The following NR6A1 variants were observed in gnomAD, a reference collection of about 807,000 sequenced individuals.
The protein encoded by NR6A1 is nuclear receptor subfamily 6 group A member 1, also known as retinoic acid receptor-related testis-associated receptor.
A neutral mutation model predicts 59.1 loss-of-function variants in NR6A1; 7 were observed. The ratio of observed to expected loss-of-function variants is 0.12; its 90% confidence interval spans 0.07 to 0.22. NR6A1 has a LOEUF of 0.22. Among genes scored for constraint, NR6A1 ranks in the 10% least tolerant of loss-of-function variants. NR6A1 has a pLI of 1.00. For missense variants in NR6A1, 468 were observed against 611.6 expected, an observed-to-expected ratio of 0.77 and a Z score of 2.48; for synonymous variants, 243 against 236.1, an observed-to-expected ratio of 1.03 and a Z score of -0.27.
chr9:124,586,291 T>C (rs575251816), intron 2 of NR6A1, among the ~76,000 whole-genome samples: 2 of 152,302 alleles, frequency 1.3e-5, no homozygotes, highest in Admixed American at 6.5e-5. Context: ...ATATCAGTAT[T>C]AACAGGAGTT....
chr9:124,720,320 G>C (rs1401954445), intron 2 of NR6A1, among the ~76,000 whole-genome samples: 2 of 152,108 alleles, frequency 1.3e-5, no homozygotes, highest in Non-Finnish European at 1.5e-5. Flanking sequence ...CAAAGTGCTA[G>C]GATTACAGGC....
chr9:124,661,884 C>A (rs896448666), intron 2 of NR6A1, among the ~76,000 whole-genome samples: 1 of 152,128 alleles, frequency 6.6e-6, no homozygotes, highest in Non-Finnish European at 1.5e-5. Context: ...TATGGGATAG[C>A]CCAGATATAA....
intron 2 of NR6A1, among the ~76,000 whole-genome samples, chr9:124,647,955 T>C (rs1836987589): frequency 6.6e-6 from 1 of 152,078 alleles, no homozygotes; most frequent in Non-Finnish European, 1.5e-5. Context: ...AAACTCATTC[T>C]AAAAGGCCAT....
chr9:124,771,278 T>TCCGCGCCCCTCCGCG lies in NR6A1; in HGVS notation c.-174_-160dup, dbSNP rs1417126309. ...CCCGAGCCGCCCGGCTCCGCGCCGC[T>TCCGCGCCCCTCCGCG]CCGCGCCCCTCCGCGCCGCGCCCCC... On this transcript the variant is annotated 5_prime_UTR_variant, in exon 1 of 10. Coordinates refer to ENST00000487099, the MANE Select transcript of NR6A1 (RefSeq NM_033334.4). The TCCGCGCCCCTCCGCG allele has an allele frequency of 1.3e-5, 5 of 391,306 alleles. No individual in the cohort carries two copies. The Admixed American group carries it at 1.8e-4, about 14-fold the overall frequency. 24.2% of individuals were successfully genotyped at this position (391,306 alleles called of 1,614,324 possible). A position where few individuals can be genotyped will look rare whatever the true frequency, so the allele number is the denominator to read the frequency against.
At position 124,771,265 on chromosome 9, in the gene NR6A1, G is replaced by C. The variant is rs548435860; in HGVS notation, c.-146C>G. Reference sequence around the variant, plus strand: ...GCTCTCTCTGGGCCCCGAGCCGCCCGGCTCCGCGCCGCTCCGCGCCCCTCC... The same window carrying C: ...GCTCTCTCTGGGCCCCGAGCCGCCCCGCTCCGCGCCGCTCCGCGCCCCTCC... On this transcript the variant is annotated 5_prime_UTR_variant, in exon 1 of 10. Transcript: ENST00000487099. 12 of 419,456 alleles carry C rather than the reference G, an allele frequency of 2.9e-5. No individual in the cohort carries two copies. Among genetic ancestry groups the C allele is most frequent in the African/African-American group, 4.1e-5 (2 of 48,742 alleles). The allele number at this position is 419,456 out of a possible 1,614,324, so 26.0% of individuals were successfully genotyped here. A position where few individuals can be genotyped will look rare whatever the true frequency, so the allele number is the denominator to read the frequency against.
In NR6A1 at chr9:124,687,294, ATTT is replaced by A. The variant is rs1838367007; in HGVS notation, c.142+46011_142+46013del. 3.3e-5 allele frequency among the ~76,000 whole-genome samples: 5 copies of A among 149,640 alleles called. No homozygotes were observed. The East Asian group carries it at 8.0e-4, about 24-fold the overall frequency. On this transcript the variant is annotated intron_variant, in intron 2 of 9. Transcript: ENST00000487099. ...TGCCACCACAGCCAGCTAATTAATT[ATTT>A]ATTTATTTATTTATTTATTTATTGG...
At chr9:124,566,245 G>C (rs191893570) in intron 2 of NR6A1, among the ~76,000 whole-genome samples, 5 of 152,356 alleles carry the variant, frequency 3.3e-5, no homozygotes, top group Non-Finnish European at 2.9e-5. Context: ...AGAAGGGAAA[G>C]AGACATACAG....
intron 2 of NR6A1, among the ~76,000 whole-genome samples, chr9:124,704,574 G>A (rs903070788): frequency 2.0e-5 from 3 of 152,068 alleles, no homozygotes; most frequent in Non-Finnish European, 4.4e-5. Context: ...CTTCGGATTA[G>A]TTTGTGTTTT....
chr9:124,581,133 T>C (rs557357323), intron 2 of NR6A1, among the ~76,000 whole-genome samples: 2 of 152,086 alleles, frequency 1.3e-5, no homozygotes, highest in Non-Finnish European at 2.9e-5. Flanking sequence ...AAGACTTAAA[T>C]GTAAAACCCA....
At chr9:124,770,330 G>A (rs1305786604) in intron 1 of NR6A1, 1 of 152,504 alleles carries the variant, frequency 6.6e-6, no homozygotes, top group Non-Finnish European at 1.5e-5. Flanking sequence ...GAAGCAGGAG[G>A]CGCGAAGGGG....
At chr9:124,654,992 T>C (rs1837216424) in intron 2 of NR6A1, among the ~76,000 whole-genome samples, 1 of 151,580 alleles carries the variant, frequency 6.6e-6, no homozygotes, top group African/African-American at 2.4e-5. Flanking sequence ...TAACTGCACT[T>C]TCAAAATAAC....
intron 2 of NR6A1, among the ~76,000 whole-genome samples, chr9:124,708,818 C>A (rs892419723): frequency 2.0e-5 from 3 of 152,214 alleles, no homozygotes; most frequent in Non-Finnish European, 2.9e-5. Flanking sequence ...AAGTAGTACA[C>A]TGAGTGTTAC....
chr9:124,548,608 G>T (rs974670719), intron 3 of NR6A1, among the ~76,000 whole-genome samples: 1 of 152,146 alleles, frequency 6.6e-6, no homozygotes, highest in Non-Finnish European at 1.5e-5. Flanking sequence ...ATCCCTCCTT[G>T]AGATTTCTCA....
At chr9:124,679,265 G>A (rs181669734) in intron 2 of NR6A1, among the ~76,000 whole-genome samples, 11 of 152,248 alleles carry the variant, frequency 7.2e-5, no homozygotes, top group Admixed American at 5.9e-4. Flanking sequence ...TGGAGACATC[G>A]ATAATCACCT....
intron 2 of NR6A1, among the ~76,000 whole-genome samples, chr9:124,707,240 CA>C (rs1455813290): frequency 6.6e-6 from 1 of 152,112 alleles, no homozygotes; most frequent in Non-Finnish European, 1.5e-5. Context: ...CATCTATCTA[CA>C]AGTTCACCAA....
At chr9:124,755,658 G>C (rs1840614557) in intron 1 of NR6A1, among the ~76,000 whole-genome samples, 1 of 152,130 alleles carries the variant, frequency 6.6e-6, no homozygotes, top group Admixed American at 6.5e-5. Context: ...CTAAACAGCT[G>C]CGAATATATT....
intron 1 of NR6A1, among the ~76,000 whole-genome samples, chr9:124,759,697 G>A (rs16927635): frequency 0.038 from 5,799 of 152,232 alleles, 315 homozygotes; most frequent in African/African-American, 0.12. Context: ...TGGGTTCACC[G>A]AAGATTGTCC....
intron 7 of NR6A1, among the ~76,000 whole-genome samples, chr9:124,534,457 A>G (rs943056265): frequency 4.5e-4 from 68 of 152,148 alleles, no homozygotes; most frequent in Non-Finnish European, 1.3e-4. Flanking sequence ...AAATATGGTC[A>G]CCCTGTGCTC....
intron 2 of NR6A1, among the ~76,000 whole-genome samples, chr9:124,646,776 G>A (rs1253345701): frequency 2.6e-5 from 4 of 152,166 alleles, no homozygotes; most frequent in Admixed American, 6.5e-5. Flanking sequence ...TGACCTAGAT[G>A]AAACAAACCA....
Sources: allele counts gnomAD v4.1 joint callset (sites outside exome capture counted in the v4.1 genomes callset), GRCh38; gene constraint gnomAD v4.1.1; transcripts MANE v1.5; gene names NCBI Gene and HGNC (gene_info 2026-07-23, HGNC 2026-07-21).